The following CWC22 variants were observed in gnomAD, a reference collection of about 807,000 sequenced individuals.
CWC22 encodes pre-mRNA-splicing factor CWC22 homolog.
A neutral mutation model predicts 117.2 loss-of-function variants in CWC22; 53 were observed. The ratio of observed to expected loss-of-function variants is 0.45; its 90% CI spans 0.36 to 0.57. CWC22 has a LOEUF of 0.57. Ranked by LOEUF, CWC22 falls within the 20% of genes least tolerant of loss-of-function variation. CWC22 has a pLI of 0.00. For synonymous variants in CWC22, 360 were observed against 355.6 expected (o/e 1.01, Z -0.14); for missense variants, 980 against 1,068.8 (o/e 0.92, Z 1.16).
At position 179,981,923 on chromosome 2, in the gene CWC22, G is replaced by T. The variant is rs1273310147; in HGVS notation, c.281C>A (p.Pro94His). The change falls in exon 5 of 20, where the codon CCT becomes CAT. Residue 94 changes from proline to histidine, a missense_variant. Transcript: ENST00000410053. ...TGATGTTTCTGGGTTTCTCCTCCCA[G>T]GAGATGGGGATTTCCGAGACCTTTT... ...DRKRSRKSPS[P>H]GRRNPETSVT... 1.9e-6 allele frequency: 3 copies of T among 1,586,934 alleles called. No individual in the cohort carries two copies. The highest frequency in any genetic ancestry group is 3.6e-5 in the Admixed American group (2 of 55,284).
chr2:179,981,684 T>G, intron 5 of CWC22, 68 bp downstream of exon 5: 1 of 1,367,048 alleles, frequency 7.3e-7, no homozygotes, highest in Non-Finnish European at 1.0e-6. Flanking sequence ...CAGGGTTAAT[T>G]AAACCACAGT....
chr2:179,987,946 G>C (rs996563441), intron 3 of CWC22, among the ~76,000 whole-genome samples: 10 of 152,154 alleles, frequency 6.6e-5, no homozygotes, highest in Admixed American at 3.3e-4. Flanking sequence ...CAGATGTTAG[G>C]GGGTGAGGGG....
intron 4 of CWC22, among the ~76,000 whole-genome samples, chr2:179,985,577 C>T (rs896488853): frequency 1.3e-5 from 2 of 152,012 alleles, no homozygotes; most frequent in Non-Finnish European, 2.9e-5. Flanking sequence ...ACACAGTAGT[C>T]ACCCCTTATC....
At chr2:179,952,393 T>C in intron 17 of CWC22, 78 bp downstream of exon 17, 2 of 1,044,678 alleles carry the variant, frequency 1.9e-6, no homozygotes, top group Non-Finnish European at 2.6e-6. Context: ...TTTTACAGTC[T>C]CGGATGGGCT....
intron 7 of CWC22, 47 bp from the exon 8 acceptor site, chr2:179,973,293 T>C: frequency 7.3e-7 from 1 of 1,376,104 alleles, no homozygotes; most frequent in South Asian, 1.2e-5. Context: ...AACCCAATTT[T>C]CATTTATTTA....
At chr2:179,978,415 A>C in intron 5 of CWC22, 97 bp from the exon 6 acceptor site, 1 of 1,273,476 alleles carries the variant, frequency 7.9e-7, no homozygotes, top group Non-Finnish European at 1.0e-6. Context: ...AATTTTTGAC[A>C]TTATTTTCAT....
At chr2:179,998,130 A>G (rs150245578) in intron 1 of CWC22, among the ~76,000 whole-genome samples, 240 of 152,288 alleles carry the variant, frequency 1.6e-3, no homozygotes, top group African/African-American at 5.4e-3. Flanking sequence ...AAGTCTCCTC[A>G]GCTTTTCAAT....
chr2:179,958,983 C>A, intron 14 of CWC22, 39 bp downstream of exon 14: 1 of 1,284,570 alleles, frequency 7.8e-7, no homozygotes, highest in Non-Finnish European at 1.1e-6. Flanking sequence ...TTTTTAAAAC[C>A]AATATATACA....
At chr2:179,962,208 GAAGAT>G (rs1686769462) in intron 13 of CWC22, among the ~76,000 whole-genome samples, 1 of 152,124 alleles carries the variant, frequency 6.6e-6, no homozygotes, top group Non-Finnish European at 1.5e-5. Context: ...ATAACAGAAG[GAAGAT>G]AAGACTACTG....
chr2:179,984,359 T>C (rs535510209), intron 4 of CWC22, among the ~76,000 whole-genome samples: 2 of 152,168 alleles, frequency 1.3e-5, no homozygotes, highest in South Asian at 4.1e-4. Context: ...TTACCAATTA[T>C]GGTACTAGTA....
intron 2 of CWC22, among the ~76,000 whole-genome samples, chr2:179,992,855 C>A (rs564517605): frequency 1.3e-5 from 2 of 152,322 alleles, no homozygotes; most frequent in East Asian, 3.9e-4. Context: ...AATAAAGAGA[C>A]CATCCATCTA....
intron 13 of CWC22, among the ~76,000 whole-genome samples, chr2:179,963,188 C>T (rs1432264337): frequency 6.6e-6 from 1 of 151,666 alleles, no homozygotes; most frequent in African/African-American, 2.4e-5. Flanking sequence ...AACTGCAATA[C>T]TAACACAGTA....
chr2:179,970,710 C>G lies in CWC22; in HGVS notation c.1087G>C (p.Asp363His). The change falls in exon 10 of 20, where the codon GAT (aspartate) becomes CAT (histidine). Residue 363 changes from aspartate (D) to histidine (H), a missense_variant. Asp to His is a moderately conservative substitution (Grantham distance 81). This residue lies in a region of CWC22 where 559 missense variants were observed against 602.3 expected (regional missense o/e 0.93). Transcript: ENST00000410053. Reference protein sequence around the residue: ...ILEGLDLVEEDDQFTHMLPLE... With the variant: ...ILEGLDLVEEHDQFTHMLPLE... ...GGGAGCATATGAGTGAATTGATCATCTTCTTCCACCAAATCAAGACCTTCT... is the reference window on the plus strand; with the variant it reads ...GGGAGCATATGAGTGAATTGATCATGTTCTTCCACCAAATCAAGACCTTCT... 6.2e-7 allele frequency: 1 copy of G among 1,613,714 alleles called. No individual in the cohort carries two copies. Among genetic ancestry groups the G allele is most frequent in the Non-Finnish European group, 8.5e-7 (1 of 1,179,734 alleles).
intron 11 of CWC22, among the ~76,000 whole-genome samples, chr2:179,969,780 T>G (rs1289799250): frequency 6.6e-6 from 1 of 152,158 alleles, no homozygotes; most frequent in Non-Finnish European, 1.5e-5. Context: ...GCCCATAAAA[T>G]TATTATGTAA....
At chr2:179,995,311 C>T (rs539110059) in intron 1 of CWC22, among the ~76,000 whole-genome samples, 1 of 152,268 alleles carries the variant, frequency 6.6e-6, no homozygotes, top group Non-Finnish European at 1.5e-5. Flanking sequence ...ACGTAAAACA[C>T]TTCATAAAAT....
chr2:179,970,734 C>T lies in CWC22; in HGVS notation c.1063G>A (p.Glu355Lys), dbSNP rs1417841369. 6.2e-7 allele frequency: 1 copy of T among 1,613,732 alleles called. No homozygotes were observed. Among genetic ancestry groups the T allele is most frequent in the Non-Finnish European group, 8.5e-7 (1 of 1,179,728 alleles). ...TCTTCTTCCACCAAATCAAGACCTTCTAGGATAATGGGGTGGTCCTTGAAT... is the reference window on the plus strand; with the variant it reads ...TCTTCTTCCACCAAATCAAGACCTTTTAGGATAATGGGGTGGTCCTTGAAT... The part of the protein sequence containing the change: ...DGFKDHPIIL[E>K]GLDLVEEDDQ... Residue 355 changes from glutamate (E) to lysine (K), a missense_variant, in exon 10 of 20, where the codon GAA becomes AAA. Glu to Lys is a moderately conservative substitution (Grantham distance 56). This residue lies in a region of CWC22 where 559 missense variants were observed against 602.3 expected (regional missense o/e 0.93). Transcript: ENST00000410053.
chr2:179,967,863 G>T (rs1038254752), intron 11 of CWC22, among the ~76,000 whole-genome samples: 35 of 151,822 alleles, frequency 2.3e-4, no homozygotes, highest in Non-Finnish European at 2.2e-4. Flanking sequence ...ACTAACTATA[G>T]TTGTTAGATA....
chr2:179,997,205 A>C (rs1687727867), intron 1 of CWC22, among the ~76,000 whole-genome samples: 1 of 117,658 alleles, frequency 8.5e-6, no homozygotes, highest in African/African-American at 3.2e-5. Context: ...ACTAGCGACC[A>C]AAATGGATCT....
chr2:180,005,941 G>T (rs1687961762), intron 1 of CWC22, among the ~76,000 whole-genome samples: 2 of 152,150 alleles, frequency 1.3e-5, no homozygotes, highest in Non-Finnish European at 2.9e-5. Context: ...CAACACAAGT[G>T]GCTTTCCTCC....
Sources: allele counts gnomAD v4.1 joint callset (sites outside exome capture counted in the v4.1 genomes callset), GRCh38; gene constraint gnomAD v4.1.1; regional missense constraint gnomAD v4.1.1; transcripts MANE v1.5; gene names NCBI Gene and HGNC (gene_info 2026-07-23, HGNC 2026-07-21).